Variants in MAP2K5 observed in about 807,000 individuals in gnomAD.
MAP2K5 encodes the protein dual specificity mitogen-activated protein kinase kinase 5.
Under a neutral mutation model 83.1 loss-of-function variants are expected in MAP2K5, and 49 were observed. The observed-to-expected ratio is 0.59, with a 90% CI of 0.47 to 0.75. The LOEUF (loss-of-function observed/expected upper bound fraction) is 0.75, where lower values mean the gene tolerates loss of function less well. Among genes scored for constraint, MAP2K5 ranks in the 30% least tolerant of loss-of-function variants. The probability of loss-of-function intolerance (pLI) is 0.00; values close to 1 mark genes in which losing one functional copy is unlikely to be tolerated. For synonymous variants in MAP2K5, 202 were observed against 191.8 expected, an observed-to-expected ratio of 1.05 and a Z score of -0.44; for missense variants, 457 against 557.5, an observed-to-expected ratio of 0.82 and a Z score of 1.82.
chr15:67,712,937 A>G (rs949417485), intron 16 of MAP2K5, among the ~76,000 whole-genome samples: 3 of 152,152 alleles, frequency 2.0e-5, no homozygotes, highest in Non-Finnish European at 4.4e-5. Flanking sequence ...GAACCAAGTC[A>G]TGAAGTTCAT....
At chr15:67,579,053 A>C (rs2085123873) in intron 3 of MAP2K5, among the ~76,000 whole-genome samples, 1 of 152,194 alleles carries the variant, frequency 6.6e-6, no homozygotes, top group African/African-American at 2.4e-5. Context: ...ACTATAGGAG[A>C]ACACCACCAC....
intron 21 of MAP2K5, among the ~76,000 whole-genome samples, chr15:67,804,687 T>C (rs2090767368): frequency 6.6e-6 from 1 of 152,172 alleles, no homozygotes; most frequent in African/African-American, 2.4e-5. Context: ...TCACCCGGCA[T>C]TCTGGGAAAG....
At chr15:67,759,842 T>C (rs1191791936) in intron 19 of MAP2K5, among the ~76,000 whole-genome samples, 2 of 152,190 alleles carry the variant, frequency 1.3e-5, no homozygotes, top group Non-Finnish European at 2.9e-5. Context: ...GTTTTTGTGA[T>C]GTGGGATTTC....
Position 67,543,310 on chromosome 15 carries a change from C to G in MAP2K5, c.-26C>G. 1 of 1,613,986 alleles carries G rather than the reference C, an allele frequency of 6.2e-7. No homozygotes were observed. Among genetic ancestry groups the G allele is most frequent in the South Asian group, 1.1e-5 (1 of 91,072 alleles). On this transcript the variant is annotated 5_prime_UTR_variant, in exon 1 of 22. Coordinates refer to ENST00000178640, the MANE Select transcript of MAP2K5 (RefSeq NM_145160.3). This position sits in a 1 kb window ranked among gnomAD's most constrained non-coding sequence, Gnocchi z 4.3. ...AGCGGCCAGTGGGTTTCCCATACCC[C>G]AGGATGTGAGCCTCTTTAACCTGTA...
intron 17 of MAP2K5, among the ~76,000 whole-genome samples, chr15:67,739,720 A>T (rs1218456094): frequency 1.3e-5 from 2 of 151,724 alleles, no homozygotes; most frequent in Non-Finnish European, 2.9e-5. Flanking sequence ...ACCTCAGGTG[A>T]TCCACCCACC....
In MAP2K5 at chr15:67,624,264, G is replaced by A. The variant is rs1411187021; in HGVS notation, c.546-6624G>A. ...TGAGGCAGGAGAATGGTGTGAACCC[G>A]GGAAGCGGAGCTGGCAGTGAGCCGA... On this transcript the variant is annotated intron_variant, in intron 8 of 21. Transcript: ENST00000178640. Among the ~76,000 whole-genome samples the A allele has an allele frequency of 2.0e-5, 3 of 148,558 alleles. No homozygotes were observed. In the Admixed American group the frequency reaches 2.1e-4, roughly 10 times the overall value.
chr15:67,722,632 T>G lies in MAP2K5; in HGVS notation c.1045-5284T>G, dbSNP rs1377344086. ...CAGCATAGTTTCAGATGATTTAAAC[T>G]CTTTCTCTAGGACTGTGTAAATTGG... On this transcript the variant is annotated intron_variant, in intron 16 of 21. Transcript: ENST00000178640. This position sits in a 1 kb window ranked among gnomAD's most constrained non-coding sequence, Gnocchi z 4.2. Among the ~76,000 whole-genome samples, 1 of 152,210 alleles carries G rather than the reference T, an allele frequency of 6.6e-6. No individual in the cohort carries two copies. The highest frequency in any genetic ancestry group is 2.4e-5 in the African/African-American group (1 of 41,466).
In MAP2K5 at chr15:67,746,598, C is replaced by G. The variant is rs2089611122; in HGVS notation, c.1075-1633C>G. On this transcript the variant is annotated intron_variant, in intron 17 of 21. Coordinates refer to ENST00000178640, the MANE Select transcript of MAP2K5 (RefSeq NM_145160.3). This position sits in a 1 kb window ranked among gnomAD's most constrained non-coding sequence, Gnocchi z 4.1. ...CGGGTGGTGGTTACAGCTCCGCCTT[C>G]CCTTGTAATGTAAATCTTTACCTGC... Among the ~76,000 whole-genome samples, 1 of 152,132 alleles carries G rather than the reference C, an allele frequency of 6.6e-6. No homozygotes were observed. Among genetic ancestry groups the G allele is most frequent in the Non-Finnish European group, 1.5e-5 (1 of 68,024 alleles).
intron 11 of MAP2K5, among the ~76,000 whole-genome samples, chr15:67,654,045 T>C (rs2087012936): frequency 6.6e-6 from 1 of 152,200 alleles, no homozygotes; most frequent in Non-Finnish European, 1.5e-5. Context: ...TGTCAGTTAA[T>C]TCTGATTGGT....
chr15:67,573,468 G>C lies in MAP2K5; in HGVS notation c.253-7286G>C, dbSNP rs964559336. 6.6e-6 allele frequency among the ~76,000 whole-genome samples: 1 copy of C among 152,076 alleles called. No homozygotes were observed. The highest frequency in any genetic ancestry group is 1.5e-5 in the Non-Finnish European group (1 of 68,006). Reference sequence around the variant, plus strand: ...CTCGTGAGAATCCACTCACTATCATGAGAACAGCAAGGGGGAAATCCACCC... The same window carrying C: ...CTCGTGAGAATCCACTCACTATCATCAGAACAGCAAGGGGGAAATCCACCC... On this transcript the variant is annotated intron_variant, in intron 3 of 21. Transcript: ENST00000178640. This position sits in a 1 kb window ranked among gnomAD's most constrained non-coding sequence, Gnocchi z 4.2.
chr15:67,708,263 C>T lies in MAP2K5; in HGVS notation c.1044+4855C>T, dbSNP rs776798029. Among the ~76,000 whole-genome samples the T allele has an allele frequency of 1.2e-4, 18 of 151,574 alleles. No individual in the cohort carries two copies. Among genetic ancestry groups the T allele is most frequent in the Admixed American group, 2.0e-4 (3 of 15,236 alleles). On this transcript the variant is annotated intron_variant, in intron 16 of 21. Coordinates refer to ENST00000178640, the MANE Select transcript of MAP2K5 (RefSeq NM_145160.3). This position sits in a 1 kb window ranked among gnomAD's most constrained non-coding sequence, Gnocchi z 4.9. ...GCTAGAGCCTAGGAGTTTGAGGCTG[C>T]AGTGAGCTATGATTGCACCACCACA...
At chr15:67,707,569 G>A (rs1435257137) in intron 16 of MAP2K5, among the ~76,000 whole-genome samples, 1 of 152,220 alleles carries the variant, frequency 6.6e-6, no homozygotes, top group Non-Finnish European at 1.5e-5. Flanking sequence ...CCTGGAGAGT[G>A]GGGCACACAG....
In MAP2K5 at chr15:67,708,302, A is replaced by T. The variant is rs971186303; in HGVS notation, c.1044+4894A>T. Among the ~76,000 whole-genome samples the T allele has an allele frequency of 6.6e-6, 1 of 152,012 alleles. No individual in the cohort carries two copies. Among genetic ancestry groups the T allele is most frequent in the Non-Finnish European group, 1.5e-5 (1 of 67,994 alleles). Reference sequence around the variant, plus strand: ...TGCACCACCACACTCCAGCCTAGTCAACAGAGCAAGATGCTGTCTTAAAAA... The same window carrying T: ...TGCACCACCACACTCCAGCCTAGTCTACAGAGCAAGATGCTGTCTTAAAAA... On this transcript the variant is annotated intron_variant, in intron 16 of 21. Transcript: ENST00000178640. The surrounding 1 kb of genome is among the most constrained non-coding windows in gnomAD (Gnocchi z 4.9).
At chr15:67,554,091 T>C (rs1303223963) in intron 2 of MAP2K5, among the ~76,000 whole-genome samples, 1 of 152,134 alleles carries the variant, frequency 6.6e-6, no homozygotes, top group Non-Finnish European at 1.5e-5. Flanking sequence ...ATGGTCTGGC[T>C]CTGTCACCCA....
intron 6 of MAP2K5, among the ~76,000 whole-genome samples, chr15:67,590,729 C>T (rs1323686836): frequency 6.6e-6 from 1 of 152,072 alleles, no homozygotes; most frequent in Non-Finnish European, 1.5e-5. Context: ...GCTGGGATTA[C>T]AGGCTTGAGA....
intron 2 of MAP2K5, among the ~76,000 whole-genome samples, chr15:67,550,993 A>G (rs2084498323): frequency 6.6e-6 from 1 of 152,092 alleles, no homozygotes; most frequent in Non-Finnish European, 1.5e-5. Flanking sequence ...GCTGGTCTTG[A>G]ACTCCTGACC....
chr15:67,556,940 G>T (rs2084640326), intron 2 of MAP2K5, among the ~76,000 whole-genome samples: 1 of 152,156 alleles, frequency 6.6e-6, no homozygotes, highest in Admixed American at 6.5e-5. Flanking sequence ...CAAGCAGATA[G>T]TTGATTCCAC....
chr15:67,642,483 A>G (rs530259745), intron 9 of MAP2K5: 5 of 1,582,950 alleles, frequency 3.2e-6, no homozygotes, highest in East Asian at 2.2e-5. Context: ...ATGAATTTTG[A>G]TGGAGGACTT....
chr15:67,562,170 C>T lies in MAP2K5; in HGVS notation c.185-1113C>T, dbSNP rs1039965414. 1.3e-5 allele frequency among the ~76,000 whole-genome samples: 2 copies of T among 152,230 alleles called. No homozygotes were observed. Among genetic ancestry groups the T allele is most frequent in the African/African-American group, 4.8e-5 (2 of 41,462 alleles). On this transcript the variant is annotated intron_variant, in intron 2 of 21. Coordinates refer to ENST00000178640, the MANE Select transcript of MAP2K5 (RefSeq NM_145160.3). The surrounding 1 kb of genome is among the most constrained non-coding windows in gnomAD (Gnocchi z 4.1). ...CCCTTGGGAGGCTCTGTACGTTGCT[C>T]CAGACGTTTTTGGCATTTCTTTCAA...
Sources: allele counts gnomAD v4.1 joint callset (sites outside exome capture counted in the v4.1 genomes callset), GRCh38; gene constraint gnomAD v4.1.1; non-coding constraint Gnocchi (gnomAD v3.1); transcripts MANE v1.5; gene names NCBI Gene and HGNC (gene_info 2026-07-23, HGNC 2026-07-21).